The following NEK11 variants were observed in gnomAD, a reference collection of about 807,000 sequenced individuals.
NEK11 encodes the protein NIMA related kinase 11, also known as serine/threonine-protein kinase Nek11.
In NEK11, 72 loss-of-function variants were observed where a neutral mutation model predicts 80.7. The ratio of observed to expected loss-of-function variants is 0.89; its 90% confidence interval spans 0.74 to 1.08. NEK11 has a LOEUF of 1.08. Among genes scored for constraint, NEK11 ranks in the 50% least tolerant of loss-of-function variants. NEK11 has a pLI of 0.00. For missense variants in NEK11, 764 were observed against 763.6 expected, an observed-to-expected ratio of 1.00 and a Z score of -0.01; for synonymous variants, 251 against 260.7, an observed-to-expected ratio of 0.96 and a Z score of 0.36.
At chr3:131,273,650 T>C in intron 17 of NEK11, 76 bp downstream of exon 17, 2 of 1,077,524 alleles carry the variant, frequency 1.9e-6, no homozygotes, top group East Asian at 4.9e-5. Context: ...CCCAGTCATG[T>C]GATACTGTCT....
At chr3:131,228,793 A>T in intron 15 of NEK11, 105 bp downstream of exon 15, 1 of 1,157,650 alleles carries the variant, frequency 8.6e-7, no homozygotes, top group African/African-American at 1.6e-5. Context: ...GGACATGGGG[A>T]ACAGGGTTAT....
At chr3:131,030,163 C>A (rs746366751) in intron 3 of NEK11, among the ~76,000 whole-genome samples, 1 of 151,852 alleles carries the variant, frequency 6.6e-6, no homozygotes, top group Non-Finnish European at 1.5e-5. Flanking sequence ...TGCTTAAACC[C>A]AGGAGGTGGA....
At chr3:131,068,895 A>G (rs2072595458) in intron 3 of NEK11, among the ~76,000 whole-genome samples, 1 of 152,224 alleles carries the variant, frequency 6.6e-6, no homozygotes, top group South Asian at 2.1e-4. Context: ...GTATGCTTAT[A>G]CAGAGTTTCA....
intron 14 of NEK11, among the ~76,000 whole-genome samples, chr3:131,186,388 G>A (rs2093601936): frequency 6.6e-6 from 1 of 152,072 alleles, no homozygotes; most frequent in Non-Finnish European, 1.5e-5. Flanking sequence ...TCTTTGTCAG[G>A]TCTGTAGACA....
At chr3:131,186,735 C>T (rs1216789989) in intron 14 of NEK11, among the ~76,000 whole-genome samples, 1 of 152,146 alleles carries the variant, frequency 6.6e-6, no homozygotes, top group Non-Finnish European at 1.5e-5. Context: ...ATTGTAGTCT[C>T]ATTTGAGATT....
intron 3 of NEK11, among the ~76,000 whole-genome samples, chr3:131,064,182 T>A (rs2071440683): frequency 6.6e-6 from 1 of 152,122 alleles, no homozygotes; most frequent in South Asian, 2.1e-4. Flanking sequence ...GAATGGGTAG[T>A]GATTGCTGAT....
intron 14 of NEK11, among the ~76,000 whole-genome samples, chr3:131,193,203 T>C (rs2093869934): frequency 6.6e-6 from 1 of 152,314 alleles, no homozygotes; most frequent in Non-Finnish European, 1.5e-5. Flanking sequence ...TTTACCTTTT[T>C]TTTAGCGACT....
chr3:131,133,412 T>G, intron 6 of NEK11: 1 of 365,562 alleles, frequency 2.7e-6, no homozygotes, highest in South Asian at 2.2e-5. Context: ...TTAAATAGTC[T>G]CAGATCTTTT....
intron 14 of NEK11, among the ~76,000 whole-genome samples, chr3:131,225,801 GA>G (rs2095175573): frequency 1.3e-5 from 2 of 152,070 alleles, no homozygotes; most frequent in Non-Finnish European, 2.9e-5. Context: ...TGAACAGGAT[GA>G]AAAACACCAG....
intron 5 of NEK11, among the ~76,000 whole-genome samples, chr3:131,124,339 A>C (rs1386734269): frequency 1.3e-5 from 2 of 152,230 alleles, no homozygotes; most frequent in African/African-American, 2.4e-5. Flanking sequence ...AACTCTGTGG[A>C]GGCAGAGGCA....
chr3:131,133,198 G>T lies in NEK11; in HGVS notation c.520+389G>T. 3 of 448,576 alleles carry T rather than the reference G, an allele frequency of 6.7e-6. 1 individual carries two copies. Among genetic ancestry groups the T allele is most frequent in the South Asian group, 4.8e-5 (3 of 62,620 alleles). 27.8% of individuals were successfully genotyped at this position (448,576 alleles called of 1,614,324 possible). On this transcript the variant is annotated intron_variant, in intron 6 of 17. Transcript: ENST00000383366. ...TATTATTTCATCACAAGCAATAAGT[G>T]GTTATAGATAATGAAAATGTTGATA... is the stretch of plus-strand genomic sequence containing the variant.
At chr3:131,346,875 G>A (rs999727386) in intron 17 of NEK11, among the ~76,000 whole-genome samples, 8 of 152,116 alleles carry the variant, frequency 5.3e-5, no homozygotes, top group African/African-American at 1.9e-4. Context: ...CATGGGAATG[G>A]GCAACTCAGG....
chr3:131,163,102 T>A (rs1316934501), intron 11 of NEK11, among the ~76,000 whole-genome samples: 1 of 152,102 alleles, frequency 6.6e-6, no homozygotes, highest in Non-Finnish European at 1.5e-5. Context: ...TTAGCCAGGA[T>A]GTAGAGAAAA....
chr3:131,208,009 C>A (rs1016750912), intron 14 of NEK11, among the ~76,000 whole-genome samples: 1 of 152,132 alleles, frequency 6.6e-6, no homozygotes, highest in Non-Finnish European at 1.5e-5. Context: ...ATTGCCATTG[C>A]TTTTGGTGTT....
intron 3 of NEK11, among the ~76,000 whole-genome samples, chr3:131,042,513 G>T (rs1325351116): frequency 6.6e-6 from 1 of 152,156 alleles, no homozygotes; most frequent in Non-Finnish European, 1.5e-5. Context: ...AAACTGGGTG[G>T]AGCCTACTGC....
At chr3:131,071,442 T>G (rs1486726089) in intron 3 of NEK11, among the ~76,000 whole-genome samples, 2 of 151,916 alleles carry the variant, frequency 1.3e-5, no homozygotes, top group African/African-American at 4.8e-5. Flanking sequence ...ATTTTTTGAT[T>G]GGCGAATCAT....
chr3:131,218,336 G>T (rs1185334066), intron 14 of NEK11, among the ~76,000 whole-genome samples: 2 of 152,152 alleles, frequency 1.3e-5, no homozygotes, highest in Non-Finnish European at 2.9e-5. Context: ...CAAGGATGTG[G>T]TCTCAGCTGG....
intron 17 of NEK11, among the ~76,000 whole-genome samples, chr3:131,282,296 A>G (rs1293444817): frequency 2.7e-5 from 4 of 148,496 alleles, no homozygotes; most frequent in Non-Finnish European, 5.9e-5. Flanking sequence ...AATGCCATAG[A>G]GATCAGTGTA....
At chr3:131,335,436 C>G (rs535910850) in intron 17 of NEK11, among the ~76,000 whole-genome samples, 27 of 151,826 alleles carry the variant, frequency 1.8e-4, no homozygotes, top group African/African-American at 6.0e-4. Context: ...GCTAAAAACT[C>G]TCAATAAATT....
Sources: gnomAD v4.1 joint callset for allele counts (sites outside exome capture counted in the v4.1 genomes callset) on GRCh38, gnomAD v4.1.1 for gene constraint, MANE v1.5 for transcripts, NCBI Gene and HGNC (gene_info 2026-07-23, HGNC 2026-07-21) for gene names.